Variants in FER observed in about 807,000 individuals in gnomAD.
FER encodes tyrosine-protein kinase Fer.
In FER, 63 loss-of-function variants were observed where a neutral mutation model predicts 111.0. That is an observed-to-expected ratio of 0.57 (90% confidence interval 0.46 to 0.70). The LOEUF is 0.70. Among genes scored for constraint, FER ranks in the 30% least tolerant of loss-of-function variants. FER has a pLI of 0.00. For synonymous variants in FER, 327 were observed against 313.9 expected (o/e 1.04, Z -0.44); for missense variants, 914 against 954.0 (o/e 0.96, Z 0.55).
chr5:108,851,113 G>A (rs1252690325), intron 5 of FER, among the ~76,000 whole-genome samples: 1 of 152,112 alleles, frequency 6.6e-6, no homozygotes, highest in Middle Eastern at 3.2e-3. Flanking sequence ...TGTTCATGTT[G>A]TAGATAATAT....
chr5:108,963,165 T>C (rs1387380942), intron 13 of FER, among the ~76,000 whole-genome samples: 2 of 152,218 alleles, frequency 1.3e-5, no homozygotes, highest in African/African-American at 4.8e-5. Context: ...ATGACACTTT[T>C]GGAAGATATT....
At chr5:108,907,540 G>A (rs143236500) in intron 10 of FER, among the ~76,000 whole-genome samples, 2,855 of 151,772 alleles carry the variant, frequency 0.019, 57 homozygotes, top group Non-Finnish European at 0.024. Context: ...GGATCCACCC[G>A]CCTCGGCCTC....
intron 17 of FER, among the ~76,000 whole-genome samples, chr5:109,115,653 TTTTG>T (rs143119269): frequency 0.084 from 12,756 of 151,278 alleles, 544 homozygotes; most frequent in Middle Eastern, 0.12. Flanking sequence ...TTTGTGCAGT[TTTTG>T]TTTGTTTGTT....
chr5:109,067,014 G>A (rs1775173015), intron 16 of FER, among the ~76,000 whole-genome samples: 2 of 152,158 alleles, frequency 1.3e-5, no homozygotes, highest in South Asian at 4.1e-4. Flanking sequence ...CCTTGCAAAG[G>A]GGTAGGAAAA....
At chr5:108,751,059 G>T (rs565797359) in intron 1 of FER, among the ~76,000 whole-genome samples, 11 of 152,244 alleles carry the variant, frequency 7.2e-5, no homozygotes, top group African/African-American at 2.6e-4. Context: ...GGGCATGGTG[G>T]TGCATGCCTG....
Position 108,986,108 on chromosome 5 carries a change from TG to T in FER, c.1656+26762del, listed in dbSNP as rs1460202578. ...ATCTATGCCAACATGTATTATTTTT[TG>T]TTTTTTTTATTATGGCCACTCTTGT... On this transcript the variant is annotated intron_variant, in intron 13 of 19. Transcript: ENST00000281092. 3.5e-3 allele frequency among the ~76,000 whole-genome samples: 534 copies of T among 152,166 alleles called. 2 individuals carry two copies. Among genetic ancestry groups the T allele is most frequent in the African/African-American group, 0.012 (501 of 41,542 alleles).
At chr5:108,814,642 A>G (rs954652445) in intron 3 of FER, among the ~76,000 whole-genome samples, 2 of 152,216 alleles carry the variant, frequency 1.3e-5, no homozygotes, top group African/African-American at 4.8e-5. Context: ...CTAAGTCTGG[A>G]TCTGTTTAGT....
intron 17 of FER, among the ~76,000 whole-genome samples, chr5:109,101,133 AG>A (rs777384607): frequency 2.6e-5 from 4 of 151,932 alleles, no homozygotes; most frequent in Non-Finnish European, 5.9e-5. Context: ...TTGTGGTTTT[AG>A]TTGCTTGTAG....
chr5:108,927,888 AAGAC>A (rs1179780474), intron 10 of FER, among the ~76,000 whole-genome samples: 1 of 152,236 alleles, frequency 6.6e-6, no homozygotes, highest in Admixed American at 6.5e-5. Context: ...TTTTCTAAGA[AAGAC>A]AGAAGAAGGC....
At chr5:109,129,579 C>T (rs1246866602) in intron 17 of FER, among the ~76,000 whole-genome samples, 1 of 151,736 alleles carries the variant, frequency 6.6e-6, no homozygotes, top group Non-Finnish European at 1.5e-5. Context: ...GAAACATATT[C>T]GATAAACTAA....
At position 109,194,343 on chromosome 5, in the gene FER, T is replaced by C. The variant is rs1338720611; in HGVS notation, c.*6768T>C. On this transcript the variant is annotated 3_prime_UTR_variant, in exon 20 of 20. Coordinates refer to ENST00000281092, the MANE Select transcript of FER (RefSeq NM_005246.4). The stretch of plus-strand genomic sequence containing the variant: ...CAAATATGAAGCCTTAAGTTCAAAA[T>C]AAGTCATTCTACCTAGAAATACAGA... 6.6e-6 allele frequency: 1 copy of C among 152,152 alleles called. No homozygotes were observed. Among genetic ancestry groups the C allele is most frequent in the Non-Finnish European group, 1.5e-5 (1 of 68,022 alleles). The allele number at this position is 152,152 out of a possible 1,614,324, so 9.4% of individuals were successfully genotyped here. A position where few individuals can be genotyped will look rare whatever the true frequency, so the allele number is the denominator to read the frequency against.
At chr5:109,040,974 C>T (rs549607826) in intron 14 of FER, among the ~76,000 whole-genome samples, 50 of 151,962 alleles carry the variant, frequency 3.3e-4, no homozygotes, top group African/African-American at 1.2e-3. Flanking sequence ...CTTTATATTG[C>T]TTCAATTCTT....
chr5:108,844,128 G>A (rs1274898535), intron 5 of FER, among the ~76,000 whole-genome samples: 2 of 104,942 alleles, frequency 1.9e-5, no homozygotes, highest in African/African-American at 4.3e-5. Context: ...ACACATATAT[G>A]TGTGTGAACA....
chr5:108,883,298 T>G (rs954597866), intron 8 of FER, 98 bp from the exon 9 acceptor site: 14 of 1,171,898 alleles, frequency 1.2e-5, no homozygotes, highest in South Asian at 1.0e-4. Flanking sequence ...GTGGCTACTG[T>G]TTTGGACATT....
chr5:109,154,035 T>C lies in FER; in HGVS notation c.2049-26712T>C, dbSNP rs373693754. Among the ~76,000 whole-genome samples the C allele has an allele frequency of 2.0e-5, 3 of 151,830 alleles. 1 individual carries two copies. Among genetic ancestry groups the C allele is most frequent in the African/African-American group, 7.2e-5 (3 of 41,498 alleles). On this transcript the variant is annotated intron_variant, in intron 17 of 19. Transcript: ENST00000281092. ...TATATTTGTTTAAGGATCTCTAGGT[T>C]TGCAGAAACTAGCAAGAGTATAGTT...
chr5:108,875,048 T>C (rs10061362), intron 8 of FER, among the ~76,000 whole-genome samples: 34,305 of 152,036 alleles, frequency 0.23, 4,073 homozygotes, highest in African/African-American at 0.28. Context: ...GATAAAGTTA[T>C]CACCTTTACC....
chr5:108,810,322 G>C (rs1223459987), intron 3 of FER, among the ~76,000 whole-genome samples: 1 of 152,210 alleles, frequency 6.6e-6, no homozygotes, highest in African/African-American at 2.4e-5. Flanking sequence ...CGCTTACTGA[G>C]AGAAGCTCTC....
chr5:108,849,563 T>C (rs1368951808), intron 5 of FER, among the ~76,000 whole-genome samples: 1 of 152,184 alleles, frequency 6.6e-6, no homozygotes, highest in African/African-American at 2.4e-5. Context: ...TTAAACCTTT[T>C]ATATATCTAC....
At chr5:108,832,698 T>G (rs1760167543) in intron 3 of FER, 72 bp from the exon 4 acceptor site, 1 of 1,117,322 alleles carries the variant, frequency 8.9e-7, no homozygotes, top group East Asian at 2.9e-5. Flanking sequence ...ATTTAAAGTT[T>G]TGAACTCTTA....
Sources: allele counts gnomAD v4.1 joint callset (sites outside exome capture counted in the v4.1 genomes callset), GRCh38; gene constraint gnomAD v4.1.1; transcripts MANE v1.5; gene names NCBI Gene and HGNC (gene_info 2026-07-23, HGNC 2026-07-21).